Variants in DNASE1L3 observed in about 807,000 individuals in gnomAD.
The protein encoded by DNASE1L3 is deoxyribonuclease 1L3.
In DNASE1L3, 27 loss-of-function variants were observed where a neutral mutation model predicts 30.9. That is an observed-to-expected ratio of 0.87 (90% CI 0.64 to 1.20). The LOEUF is 1.20. DNASE1L3 is among the 50% of genes most tolerant of loss of function. DNASE1L3 has a pLI of 0.00. For synonymous variants in DNASE1L3, 135 were observed against 138.0 expected, an observed-to-expected ratio of 0.98 and a Z score of 0.15; for missense variants, 364 against 378.2, an observed-to-expected ratio of 0.96 and a Z score of 0.31.
Position 58,197,685 on chromosome 3 carries a change from T to C in DNASE1L3, c.704+136A>G. 1 of 1,191,822 alleles carries C rather than the reference T, an allele frequency of 8.4e-7. No individual in the cohort carries two copies. The highest frequency in any genetic ancestry group is 1.2e-6 in the Non-Finnish European group (1 of 834,858). The allele number at this position is 1,191,822 out of a possible 1,614,324, so 73.8% of individuals were successfully genotyped here. A position where few individuals can be genotyped will look rare whatever the true frequency, so the allele number is the denominator to read the frequency against. ...CCAGGCTGGTCTCAAACTCCTGTAC[T>C]CAAGCGATCCATCCATCGAGGCCTC... On this transcript the variant is annotated intron_variant, in intron 6 of 7. Transcript: ENST00000394549. This position sits in a 1 kb window ranked among gnomAD's most constrained non-coding sequence, Gnocchi z 5.3.
rs1038755926 is a variant in DNASE1L3, at chr3:58,192,961, C to T, written c.802-158G>A. The T allele has an allele frequency of 4.9e-6, 7 of 1,439,420 alleles. No homozygotes were observed. Among genetic ancestry groups the T allele is most frequent in the Non-Finnish European group, 6.3e-6 (7 of 1,103,512 alleles). The allele number at this position is 1,439,420 out of a possible 1,614,324, so 89.2% of individuals were successfully genotyped here. On this transcript the variant is annotated intron_variant, in intron 7 of 7. Coordinates refer to ENST00000394549, the MANE Select transcript of DNASE1L3 (RefSeq NM_004944.4). This position sits in a 1 kb window ranked among gnomAD's most constrained non-coding sequence, Gnocchi z 4.8. ...GGTAAGCGTCATTCCAAGACCAGCT[C>T]GATCAGAAATTTTGGAGGGGCCTCA...
Position 58,197,708 on chromosome 3 carries a change from C to T in DNASE1L3, c.704+113G>A. 2.0e-6 allele frequency: 3 copies of T among 1,467,544 alleles called. No homozygotes were observed. Among genetic ancestry groups the T allele is most frequent in the East Asian group, 2.3e-5 (1 of 43,870 alleles). The allele number at this position is 1,467,544 out of a possible 1,614,324, so 90.9% of individuals were successfully genotyped here. ...ACTCAAGCGATCCATCCATCGAGGC[C>T]TCCCAAAGTGCTAGGACTACTGGCG... is the stretch of plus-strand genomic sequence containing the variant. On this transcript the variant is annotated intron_variant, in intron 6 of 7. Coordinates refer to ENST00000394549, the MANE Select transcript of DNASE1L3 (RefSeq NM_004944.4). This position sits in a 1 kb window ranked among gnomAD's most constrained non-coding sequence, Gnocchi z 5.3.
chr3:58,203,814 A>T (rs1575498628), intron 4 of DNASE1L3, among the ~76,000 whole-genome samples: 1 of 152,212 alleles, frequency 6.6e-6, no homozygotes, highest in East Asian at 1.9e-4. Flanking sequence ...ACAGAAGAAA[A>T]AAAAAAGAAC....
chr3:58,204,886 A>G lies in DNASE1L3; in HGVS notation c.321-5T>C. ...TTCACAGACACCAGCTTTTCCCTAT[A>G]AGAAGGAAAAGGAAGTCCTCCCAGC... On this transcript the variant is annotated splice_polypyrimidine_tract_variant and splice_region_variant and intron_variant, in intron 3 of 7. Coordinates refer to ENST00000394549, the MANE Select transcript of DNASE1L3 (RefSeq NM_004944.4). The G allele has an allele frequency of 6.2e-7, 1 of 1,613,126 alleles. No homozygotes were observed. Among genetic ancestry groups the G allele is most frequent in the African/African-American group, 1.3e-5 (1 of 75,018 alleles).
chr3:58,195,128 TCTTTG>T (rs2097396475), intron 6 of DNASE1L3, among the ~76,000 whole-genome samples: 1 of 152,202 alleles, frequency 6.6e-6, no homozygotes, highest in African/African-American at 2.4e-5. Context: ...ATCCTGGGCA[TCTTTG>T]CATGTTCCCC....
intron 6 of DNASE1L3, among the ~76,000 whole-genome samples, chr3:58,195,826 G>C (rs1369774765): frequency 6.6e-6 from 1 of 151,988 alleles, no homozygotes; most frequent in African/African-American, 2.4e-5. Context: ...TATACATGTT[G>C]TTATGAGAAA....
At position 58,210,903 on chromosome 3, in the gene DNASE1L3, A is replaced by C. The variant is rs1358431258; in HGVS notation, c.4T>G (p.Ser2Ala). Residue 2 changes from serine to alanine, a missense_variant, in exon 1 of 8, where the codon TCA (serine) becomes GCA (alanine). Coordinates refer to ENST00000394549, the MANE Select transcript of DNASE1L3 (RefSeq NM_004944.4). ...AGCAGCAGTGGGGCCAGCTCCCGTG[A>C]CATCCTGGCGCTGCTCTGGCTTCAA... M[S>A]RELAPLLLLL... 6.2e-7 allele frequency: 1 copy of C among 1,613,614 alleles called. No homozygotes were observed. Among genetic ancestry groups the C allele is most frequent in the Non-Finnish European group, 8.5e-7 (1 of 1,179,980 alleles).
chr3:58,199,705 C>T (rs1348333879), intron 5 of DNASE1L3, among the ~76,000 whole-genome samples: 1 of 151,918 alleles, frequency 6.6e-6, no homozygotes, highest in African/African-American at 2.4e-5. Flanking sequence ...GTCTGCTTCA[C>T]TGAAGCAGTT....
rs2097398185 is a variant in DNASE1L3, at chr3:58,197,658, G to A, written c.704+163C>T. Among the ~76,000 whole-genome samples the A allele has an allele frequency of 6.6e-6, 1 of 152,066 alleles. No individual in the cohort carries two copies. Among genetic ancestry groups the A allele is most frequent in the Non-Finnish European group, 1.5e-5 (1 of 68,016 alleles). On this transcript the variant is annotated intron_variant, in intron 6 of 7. Transcript: ENST00000394549. The surrounding 1 kb of genome is among the most constrained non-coding windows in gnomAD (Gnocchi z 5.3). ...TGTAGAGACGGGGTTTCATCATGTT[G>A]CCCAGGCTGGTCTCAAACTCCTGTA... is the stretch of plus-strand genomic sequence containing the variant.
In DNASE1L3 at chr3:58,205,546, C is replaced by G. The variant is rs1241534677; in HGVS notation, c.245G>C (p.Gly82Ala). 3.7e-6 allele frequency: 6 copies of G among 1,613,722 alleles called. No individual in the cohort carries two copies. In the African/African-American group the frequency reaches 5.3e-5, roughly 14 times the overall value. ...GCTAATCACATAGTTGTACGTTATGCCTCTCCTTGAATTTCTAGAAAACAA... is the reference window on the plus strand; with the variant it reads ...GCTAATCACATAGTTGTACGTTATGGCTCTCCTTGAATTTCTAGAAAACAA... ...MEKLNRNSRR[G>A]ITYNYVISSR... The change falls in exon 3 of 8, where the codon GGC (glycine) becomes GCC (alanine). Residue 82 changes from glycine to alanine, a missense_variant. Physicochemically the swap from Gly to Ala is moderately conservative, Grantham distance 60. Coordinates refer to ENST00000394549, the MANE Select transcript of DNASE1L3 (RefSeq NM_004944.4).
chr3:58,210,670 G>C (rs1436119948), intron 1 of DNASE1L3, 96 bp downstream of exon 1: 16 of 1,575,004 alleles, frequency 1.0e-5, no homozygotes, highest in Non-Finnish European at 1.4e-5. Context: ...TTCCCCCTAA[G>C]GGCCAACTTT....
chr3:58,204,810 G>T lies in DNASE1L3; in HGVS notation c.392C>A (p.Ser131Tyr), dbSNP rs755495435. The part of the protein sequence containing the change: ...DYQDGDADVF[S>Y]REPFVVWFQS... ...GAACCAGACCACAAAGGGCTCCCTG[G>T]AAAACACATCTGCGTCTCCATCCTG... The change falls in exon 4 of 8, where the codon TCC becomes TAC. Residue 131 changes from serine (S) to tyrosine (Y), a missense_variant. Coordinates refer to ENST00000394549, the MANE Select transcript of DNASE1L3 (RefSeq NM_004944.4). 3.0e-5 allele frequency: 48 copies of T among 1,614,040 alleles called. No individual in the cohort carries two copies. In the Admixed American group the frequency reaches 8.0e-4, roughly 27 times the overall value.
chr3:58,193,837 T>A (rs1289667990), intron 6 of DNASE1L3, among the ~76,000 whole-genome samples: 1 of 152,224 alleles, frequency 6.6e-6, no homozygotes, highest in African/African-American at 2.4e-5. Context: ...TTGTCTTTAA[T>A]ACCTCCCTCA....
At chr3:58,204,406 G>A (rs781684314) in intron 4 of DNASE1L3, among the ~76,000 whole-genome samples, 6 of 152,166 alleles carry the variant, frequency 3.9e-5, no homozygotes, top group Non-Finnish European at 7.3e-5. Context: ...CTCCCAAAGT[G>A]CTGGGATTAC....
At position 58,193,332 on chromosome 3, in the gene DNASE1L3, G is replaced by A. The variant is rs2097395280; in HGVS notation, c.801+11C>T. ...GGACAATGGCATAGAAAGACAAGAT[G>A]GCAACCTTACCTCCTCTTCAGTCAG... On this transcript the variant is annotated intron_variant, in intron 7 of 7. Transcript: ENST00000394549. The A allele has an allele frequency of 6.2e-7, 1 of 1,613,356 alleles. No individual in the cohort carries two copies. The highest frequency in any genetic ancestry group is 1.3e-5 in the African/African-American group (1 of 74,856).
intron 6 of DNASE1L3, among the ~76,000 whole-genome samples, chr3:58,195,056 C>T (rs535880081): frequency 6.6e-6 from 1 of 152,336 alleles, no homozygotes; most frequent in Admixed American, 6.5e-5. Context: ...CTGACTTCTT[C>T]TAGGGATGTG....
intron 1 of DNASE1L3, among the ~76,000 whole-genome samples, chr3:58,210,347 G>T (rs1188552892): frequency 6.6e-6 from 1 of 152,290 alleles, no homozygotes; most frequent in South Asian, 2.1e-4. Flanking sequence ...AGCTGTATAA[G>T]GTTACTTCAT....
At chr3:58,194,882 C>G (rs1202688838) in intron 6 of DNASE1L3, among the ~76,000 whole-genome samples, 2 of 152,214 alleles carry the variant, frequency 1.3e-5, no homozygotes, top group Non-Finnish European at 2.9e-5. Context: ...CCGGCCGCAG[C>G]CTCCCAAAGT....
chr3:58,197,854 G>T lies in DNASE1L3; in HGVS notation c.671C>A (p.Thr224Lys). The change falls in exon 6 of 8, where the codon ACG (threonine) becomes AAG (lysine). Residue 224 changes from threonine (T) to lysine (K), a missense_variant. Transcript: ENST00000394549. The surrounding 1 kb of genome is among the most constrained non-coding windows in gnomAD (Gnocchi z 5.3). ...TGCACAGTTGGTGCTCTTCTTCACCGTGGTGTCCTCTTGGTCCCCGATCAG... is the reference window on the plus strand; with the variant it reads ...TGCACAGTTGGTGCTCTTCTTCACCTTGGTGTCCTCTTGGTCCCCGATCAG... ...VWLIGDQEDT[T>K]VKKSTNCAYD... is the part of the protein sequence containing the mutation. The T allele has an allele frequency of 1.2e-6, 2 of 1,614,160 alleles. No individual in the cohort carries two copies. Among genetic ancestry groups the T allele is most frequent in the Non-Finnish European group, 1.7e-6 (2 of 1,180,040 alleles).
Sources: allele counts gnomAD v4.1 joint callset (sites outside exome capture counted in the v4.1 genomes callset), GRCh38; gene constraint gnomAD v4.1.1; non-coding constraint Gnocchi (gnomAD v3.1); transcripts MANE v1.5; gene names NCBI Gene and HGNC (gene_info 2026-07-23, HGNC 2026-07-21).